KCNH8: variants seen among roughly 807,000 people sequenced by gnomAD.
The protein encoded by KCNH8 is voltage-gated delayed rectifier potassium channel KCNH8.
In KCNH8, 70 loss-of-function variants were observed where a neutral mutation model predicts 103.6. The ratio of observed to expected loss-of-function variants is 0.68; its 90% confidence interval spans 0.56 to 0.82. KCNH8 has a LOEUF of 0.82. Ranked by LOEUF, KCNH8 falls within the 40% of genes least tolerant of loss-of-function variation. KCNH8 has a pLI of 0.00. For synonymous variants in KCNH8, 498 were observed against 489.4 expected (o/e 1.02, Z -0.23); for missense variants, 1,217 against 1,329.9 (o/e 0.92, Z 1.32).
At chr3:19,436,581 AAC>A (rs890959448) in intron 7 of KCNH8, among the ~76,000 whole-genome samples, 27 of 152,292 alleles carry the variant, frequency 1.8e-4, no homozygotes, top group Middle Eastern at 3.4e-3. Context: ...CATCAGCTGT[AAC>A]ACAGTTTAGG....
chr3:19,184,463 T>G (rs1315926277), intron 1 of KCNH8, among the ~76,000 whole-genome samples: 1 of 151,924 alleles, frequency 6.6e-6, no homozygotes, highest in Admixed American at 6.6e-5. Flanking sequence ...GCACTTCAAC[T>G]GTATATGTAA....
At position 19,512,425 on chromosome 3, in the gene KCNH8, G is replaced by A. The variant is rs1282613893; in HGVS notation, c.2080-545G>A. On this transcript the variant is annotated intron_variant, in intron 12 of 15. Coordinates refer to ENST00000328405, the MANE Select transcript of KCNH8 (RefSeq NM_144633.3). ...TGACTGGAAAGAACAAGGAGAGCAG[G>A]AAGTAGAGTAGCTGAGAATACTTCT... Among the ~76,000 whole-genome samples the A allele has an allele frequency of 3.9e-5, 6 of 152,226 alleles. No individual in the cohort carries two copies. In the East Asian group the frequency reaches 1.2e-3, roughly 29 times the overall value.
chr3:19,273,846 AT>A (rs1454713784), intron 2 of KCNH8, among the ~76,000 whole-genome samples: 1 of 152,186 alleles, frequency 6.6e-6, no homozygotes, highest in Non-Finnish European at 1.5e-5. Flanking sequence ...AACGCCACAT[AT>A]ACCTTAATGA....
intron 7 of KCNH8, among the ~76,000 whole-genome samples, chr3:19,405,471 A>G (rs2066677798): frequency 1.3e-5 from 2 of 151,886 alleles, no homozygotes; most frequent in Non-Finnish European, 2.9e-5. Context: ...TAATATCCAT[A>G]GTCTTTTTAG....
At chr3:19,217,309 T>C (rs2063827524) in intron 1 of KCNH8, among the ~76,000 whole-genome samples, 1 of 152,186 alleles carries the variant, frequency 6.6e-6, no homozygotes, top group African/African-American at 2.4e-5. Context: ...AGGTGACCCA[T>C]TCTGTGAGCA....
At chr3:19,327,658 G>C (rs967599731) in intron 3 of KCNH8, among the ~76,000 whole-genome samples, 2 of 152,018 alleles carry the variant, frequency 1.3e-5, no homozygotes, top group African/African-American at 4.8e-5. Flanking sequence ...ATCTTTCCTT[G>C]TTTATTTTTC....
intron 1 of KCNH8, 92 bp from the exon 2 acceptor site, chr3:19,253,562 C>G (rs967190300): frequency 4.9e-6 from 5 of 1,028,396 alleles, no homozygotes; most frequent in Non-Finnish European, 7.5e-6. Context: ...TGGCAGCTAG[C>G]TAAACACATA....
intron 7 of KCNH8, among the ~76,000 whole-genome samples, chr3:19,436,455 G>C (rs1200793231): frequency 6.6e-6 from 1 of 152,174 alleles, no homozygotes; most frequent in African/African-American, 2.4e-5. Context: ...TGTCATTTCA[G>C]AAGAGCCATT....
intron 3 of KCNH8, among the ~76,000 whole-genome samples, chr3:19,297,580 T>G (rs2065012552): frequency 6.6e-6 from 1 of 152,206 alleles, no homozygotes; most frequent in Admixed American, 6.5e-5. Flanking sequence ...GTCATTGCCT[T>G]CTGTAAAGGA....
chr3:19,371,020 T>G (rs1169444683), intron 5 of KCNH8, among the ~76,000 whole-genome samples: 2 of 152,160 alleles, frequency 1.3e-5, no homozygotes, highest in African/African-American at 4.8e-5. Flanking sequence ...TGTTGGACAT[T>G]TGGGTTGGTT....
chr3:19,402,457 G>A (rs1475338732), intron 7 of KCNH8, among the ~76,000 whole-genome samples: 1 of 151,960 alleles, frequency 6.6e-6, no homozygotes, highest in Non-Finnish European at 1.5e-5. Flanking sequence ...AATCACTGGT[G>A]AGCGTAAATA....
chr3:19,308,751 TCC>T (rs1559470220), intron 3 of KCNH8, among the ~76,000 whole-genome samples: 2 of 86,556 alleles, frequency 2.3e-5, no homozygotes, highest in Non-Finnish European at 4.2e-5. Context: ...TCTCCCTCTC[TCC>T]CTCTCTCCCT....
At chr3:19,397,614 G>C (rs2066543381) in intron 7 of KCNH8, among the ~76,000 whole-genome samples, 1 of 150,646 alleles carries the variant, frequency 6.6e-6, no homozygotes, top group East Asian at 2.0e-4. Flanking sequence ...AACCATCAGA[G>C]GATATATTAG....
intron 1 of KCNH8, among the ~76,000 whole-genome samples, chr3:19,234,059 G>T (rs1031855851): frequency 6.6e-6 from 1 of 152,152 alleles, no homozygotes; most frequent in Admixed American, 6.5e-5. Context: ...GCTGGCACCG[G>T]CAGCCTGCTT....
chr3:19,314,940 T>C (rs2065254388), intron 3 of KCNH8: 1 of 154,162 alleles, frequency 6.5e-6, no homozygotes, highest in African/African-American at 2.4e-5. Context: ...TAAATTGTAT[T>C]AGCTATGAGT....
At chr3:19,462,455 G>A (rs2067651725) in intron 11 of KCNH8, among the ~76,000 whole-genome samples, 1 of 152,160 alleles carries the variant, frequency 6.6e-6, no homozygotes, top group African/African-American at 2.4e-5. Context: ...AGAAGTGTCT[G>A]TTCATATTCT....
intron 8 of KCNH8, among the ~76,000 whole-genome samples, chr3:19,439,693 T>C (rs1401047409): frequency 6.6e-6 from 1 of 152,098 alleles, no homozygotes; most frequent in African/African-American, 2.4e-5. Flanking sequence ...AATAAAGTTA[T>C]TGCTGTTATT....
chr3:19,532,943 G>A (rs572364845), intron 15 of KCNH8, among the ~76,000 whole-genome samples: 1 of 152,106 alleles, frequency 6.6e-6, no homozygotes, highest in East Asian at 1.9e-4. Flanking sequence ...CATGGCTCAC[G>A]CCTGAAATCC....
chr3:19,272,993 A>G (rs1055164137), intron 2 of KCNH8, among the ~76,000 whole-genome samples: 5 of 152,176 alleles, frequency 3.3e-5, no homozygotes, highest in Admixed American at 6.5e-5. Flanking sequence ...CACTCAATAA[A>G]TATCCACTGA....
Sources: allele counts gnomAD v4.1 joint callset (sites outside exome capture counted in the v4.1 genomes callset), GRCh38; gene constraint gnomAD v4.1.1; transcripts MANE v1.5; gene names NCBI Gene and HGNC (gene_info 2026-07-23, HGNC 2026-07-21).